Variants in PARP15 observed in about 807,000 individuals in gnomAD.
PARP15 encodes the protein protein mono-ADP-ribosyltransferase PARP15.
Under a neutral mutation model 62.1 loss-of-function variants are expected in PARP15, and 50 were observed. The observed-to-expected ratio is 0.81, with a 90% CI of 0.64 to 1.02. The LOEUF (loss-of-function observed/expected upper bound fraction) is 1.02. PARP15 is among the 50% of genes least tolerant of loss of function. The pLI is 0.00. For synonymous variants in PARP15, 309 were observed against 293.1 expected, an observed-to-expected ratio of 1.05 and a Z score of -0.55; for missense variants, 820 against 826.5, an observed-to-expected ratio of 0.99 and a Z score of 0.10.
At chr3:122,621,743 T>C (rs1936363729) in intron 8 of PARP15, 132 bp downstream of exon 8, 1 of 789,266 alleles carries the variant, frequency 1.3e-6, no homozygotes, top group South Asian at 3.3e-5. Flanking sequence ...GAGGGAGCCA[T>C]CTTTTAGATC....
intron 1 of PARP15, among the ~76,000 whole-genome samples, chr3:122,599,527 T>TCTTCC (rs1553728685): frequency 1.4e-5 from 2 of 147,666 alleles, no homozygotes; most frequent in Non-Finnish European, 3.0e-5. Context: ...TTTTTTCTTT[T>TCTTCC]CTTTCCTTTC....
chr3:122,621,522 G>T lies in PARP15; in HGVS notation c.1142G>T (p.Gly381Val), dbSNP rs758414763. ...AAAATAATAATTCATGTTCCTGGGG[G>T]AAAAGATGTCAGGAAAACGGTCACC... is the stretch of plus-strand genomic sequence containing the variant. The part of the protein sequence containing the change: ...KCKIIIHVPG[G>V]KDVRKTVTSV... The change falls in exon 8 of 12, where the codon GGA becomes GTA. Residue 381 changes from glycine to valine, a missense_variant. By Grantham distance (109) the Gly-to-Val change is moderately radical. Coordinates refer to ENST00000464300, the MANE Select transcript of PARP15 (RefSeq NM_001113523.3). The T allele has an allele frequency of 7.4e-6, 12 of 1,613,944 alleles. No individual in the cohort carries two copies. Among genetic ancestry groups the T allele is most frequent in the Non-Finnish European group, 9.3e-6 (11 of 1,179,878 alleles).
At chr3:122,598,047 A>G (rs1576493893) in intron 1 of PARP15, among the ~76,000 whole-genome samples, 4 of 152,024 alleles carry the variant, frequency 2.6e-5, no homozygotes, top group East Asian at 1.9e-4. Flanking sequence ...GAACCCATGG[A>G]TATATATTTA....
At chr3:122,606,733 C>T (rs940742448) in intron 2 of PARP15, among the ~76,000 whole-genome samples, 3 of 152,102 alleles carry the variant, frequency 2.0e-5, no homozygotes, top group Admixed American at 6.6e-5. Context: ...GTGGTGTAGG[C>T]GACAATAGTT....
intron 11 of PARP15, 42 bp downstream of exon 11, chr3:122,635,236 A>G: frequency 6.3e-7 from 1 of 1,586,126 alleles, no homozygotes; most frequent in Non-Finnish European, 8.6e-7. Flanking sequence ...TAAGGCAAAC[A>G]ATAGTCTCAG....
In PARP15 at chr3:122,629,754, G is replaced by C. The variant is rs550724349; in HGVS notation, c.1439-2332G>C. ...TTCCTGCAACTAGACAGTCCCATCT[G>C]GGGGTGATGGGAGACAGTGTCAGAT... On this transcript the variant is annotated intron_variant, in intron 9 of 11. Transcript: ENST00000464300. 5.4e-4 allele frequency among the ~76,000 whole-genome samples: 82 copies of C among 152,264 alleles called. 1 individual carries two copies. Among genetic ancestry groups the C allele is most frequent in the Middle Eastern group, 3.4e-3 (1 of 294 alleles).
chr3:122,615,611 A>C (rs1935908521), intron 4 of PARP15, 168 bp from the exon 5 acceptor site: 3 of 1,418,036 alleles, frequency 2.1e-6, no homozygotes, highest in Non-Finnish European at 2.9e-6. Flanking sequence ...ATTTGTGGAG[A>C]AAATTCCTAG....
chr3:122,610,892 G>T (rs1935519717), intron 3 of PARP15, among the ~76,000 whole-genome samples, 162 bp downstream of exon 3: 1 of 152,134 alleles, frequency 6.6e-6, no homozygotes, highest in Admixed American at 6.5e-5. Context: ...AGGGATGCTG[G>T]TAAATATTCT....
Position 122,612,904 on chromosome 3 carries a change from C to T in PARP15, c.544-137C>T. On this transcript the variant is annotated intron_variant, in intron 3 of 11. Coordinates refer to ENST00000464300, the MANE Select transcript of PARP15 (RefSeq NM_001113523.3). ...AAAGTACTCTGCCCTGTTTTTGTTT[C>T]CTCTTTCTGACTTCTCAGGCCCTGA... The T allele has an allele frequency of 2.6e-5, 19 of 718,364 alleles. No homozygotes were observed. The Admixed American group carries it at 2.9e-4, about 11-fold the overall frequency. 44.5% of individuals were successfully genotyped at this position (718,364 alleles called of 1,614,324 possible). A position where few individuals can be genotyped will look rare whatever the true frequency, so the allele number is the denominator to read the frequency against.
intron 1 of PARP15, among the ~76,000 whole-genome samples, chr3:122,598,188 C>A (rs565587205): frequency 6.6e-6 from 1 of 152,168 alleles, no homozygotes; most frequent in African/African-American, 2.4e-5. Context: ...TCTCTACCAG[C>A]CTGCCTCCTC....
Position 122,619,840 on chromosome 3 carries a change from C to G in PARP15, c.1060C>G (p.Leu354Val), listed in dbSNP as rs762301771. The G allele has an allele frequency of 6.2e-7, 1 of 1,611,938 alleles. No individual in the cohort carries two copies. The highest frequency in any genetic ancestry group is 1.3e-5 in the African/African-American group (1 of 74,830). Reference sequence around the variant, plus strand: ...AGCTGTGGAAAGTGAATGTGCTGTACTAGGTATGGGCACATGTTACTTTTG... The same window carrying G: ...AGCTGTGGAAAGTGAATGTGCTGTAGTAGGTATGGGCACATGTTACTTTTG... ...GQAVESECAV[L>V]AAQPHRDFII... The change falls in exon 7 of 12, where the codon CTA becomes GTA. Residue 354 changes from leucine (L) to valine (V), a missense_variant. This residue lies in a region of PARP15 where 731 missense variants were observed against 727.7 expected (regional missense o/e 1.00). Transcript: ENST00000464300.
rs189495338 is a variant in PARP15 at position 122,604,267 on chromosome 3, G to T, written c.187-1669G>T. On this transcript the variant is annotated intron_variant, in intron 1 of 11. Coordinates refer to ENST00000464300, the MANE Select transcript of PARP15 (RefSeq NM_001113523.3). The stretch of plus-strand genomic sequence containing the variant: ...GACAATGAAGTTTCTATCCTGGATG[G>T]TCTGTCATGACCCTTTAAATTCTAA... 2.6e-4 allele frequency among the ~76,000 whole-genome samples: 40 copies of T among 152,268 alleles called. 1 individual carries two copies. In the East Asian group the frequency reaches 2.9e-3, roughly 11 times the overall value.
chr3:122,622,131 T>G (rs1426704575), intron 8 of PARP15, among the ~76,000 whole-genome samples: 4 of 152,236 alleles, frequency 2.6e-5, no homozygotes, highest in Non-Finnish European at 5.9e-5. Flanking sequence ...CCTAAGTATC[T>G]TTCCAAGTTT....
At chr3:122,621,393 G>A in intron 7 of PARP15, 51 bp from the exon 8 acceptor site, 1 of 1,528,824 alleles carries the variant, frequency 6.5e-7, no homozygotes, top group Non-Finnish European at 8.8e-7. Flanking sequence ...TCAAAGTGTT[G>A]CCTCCAGTAA....
At chr3:122,631,984 G>A (rs1937082340) in intron 9 of PARP15, 102 bp from the exon 10 acceptor site, 1 of 1,314,998 alleles carries the variant, frequency 7.6e-7, no homozygotes, top group Non-Finnish European at 1.1e-6. Context: ...CTCCTTTAAA[G>A]ACCAGGTTTG....
rs1035139619 is a variant in PARP15, at chr3:122,629,076, G to A, written c.1438+2043G>A. On this transcript the variant is annotated intron_variant, in intron 9 of 11. Coordinates refer to ENST00000464300, the MANE Select transcript of PARP15 (RefSeq NM_001113523.3). ...GGAAGTCATGTGAGTAGGTGGGATTGAAGTCCTTAAGTGTGATTGGCTTAA... is the reference window on the plus strand; with the variant it reads ...GGAAGTCATGTGAGTAGGTGGGATTAAAGTCCTTAAGTGTGATTGGCTTAA... Among the ~76,000 whole-genome samples the A allele has an allele frequency of 7.2e-5, 11 of 152,330 alleles. No homozygotes were observed. The East Asian group carries it at 2.1e-3, about 29-fold the overall frequency.
chr3:122,616,474 T>G (rs1409804413), intron 5 of PARP15, among the ~76,000 whole-genome samples: 3 of 151,642 alleles, frequency 2.0e-5, no homozygotes, highest in African/African-American at 7.3e-5. Context: ...GGATGACAGG[T>G]GTGCACCACC....
chr3:122,591,522 G>T (rs573531076), intron 1 of PARP15, among the ~76,000 whole-genome samples: 1 of 152,272 alleles, frequency 6.6e-6, no homozygotes, highest in South Asian at 2.1e-4. Context: ...CAGCACTTTG[G>T]GAGGCCGAGG....
At chr3:122,618,830 T>C (rs775148542) in intron 6 of PARP15, among the ~76,000 whole-genome samples, 19 of 152,176 alleles carry the variant, frequency 1.2e-4, no homozygotes, top group Non-Finnish European at 2.2e-4. Context: ...AGGTGCTGCC[T>C]GCTCGCCTTA....
Sources: gnomAD v4.1 joint callset for allele counts (sites outside exome capture counted in the v4.1 genomes callset) on GRCh38, gnomAD v4.1.1 for gene constraint, gnomAD v4.1.1 regional missense constraint, MANE v1.5 for transcripts, NCBI Gene and HGNC (gene_info 2026-07-23, HGNC 2026-07-21) for gene names.